RPS6KA6: variants seen among roughly 807,000 people sequenced by gnomAD.
RPS6KA6 encodes ribosomal protein S6 kinase alpha-6.
RPS6KA6 carries 27 observed loss-of-function variants against 65.4 expected under a neutral mutation model. That is an observed-to-expected ratio of 0.41 (90% CI 0.30 to 0.57). The LOEUF (loss-of-function observed/expected upper bound fraction) is 0.57. Among genes scored for constraint, RPS6KA6 ranks in the 20% least tolerant of loss-of-function variants. The pLI, the probability that RPS6KA6 is intolerant of heterozygous loss-of-function variation, is 0.24. For synonymous variants in RPS6KA6, 190 were observed against 184.2 expected, an observed-to-expected ratio of 1.03 and a Z score of -0.26; for missense variants, 486 against 555.6, an observed-to-expected ratio of 0.87 and a Z score of 1.26.
chrX:84,074,373 G>T (rs2033613425), intron 20 of RPS6KA6, among the ~76,000 whole-genome samples: 1 of 111,609 alleles, frequency 9.0e-6, no homozygotes, highest in Non-Finnish European at 1.9e-5. Flanking sequence ...TAGGGTTGAG[G>T]GAGGGATGGG....
intron 20 of RPS6KA6, among the ~76,000 whole-genome samples, chrX:84,093,876 G>A (rs1221951437): frequency 9.0e-6 from 1 of 111,305 alleles, no homozygotes; most frequent in Non-Finnish European, 1.9e-5. Flanking sequence ...TTGGACCACT[G>A]GCCACAGGAG....
intron 1 of RPS6KA6, among the ~76,000 whole-genome samples, chrX:84,186,468 G>A (rs1206218967): frequency 9.0e-6 from 1 of 111,485 alleles, no homozygotes; most frequent in Non-Finnish European, 1.9e-5. Context: ...TTGTTCTTAC[G>A]AGATGTAAAA....
chrX:84,175,284 T>C (rs1459490662), intron 1 of RPS6KA6, among the ~76,000 whole-genome samples: 2 of 111,472 alleles, frequency 1.8e-5, no homozygotes, highest in Non-Finnish European at 3.8e-5. Context: ...GCTCAAGTTT[T>C]GTATATAAAA....
At chrX:84,087,911 A>G (rs1393679908) in intron 20 of RPS6KA6, among the ~76,000 whole-genome samples, 1 of 111,875 alleles carries the variant, frequency 8.9e-6, no homozygotes, top group East Asian at 2.8e-4. Context: ...ATAGTCTTCA[A>G]GCTCTGAGAT....
intron 12 of RPS6KA6, among the ~76,000 whole-genome samples, chrX:84,109,349 A>G (rs2034425314): frequency 9.0e-6 from 1 of 110,702 alleles, no homozygotes; most frequent in Admixed American, 9.5e-5. Flanking sequence ...CCACATAAGC[A>G]TTCTGCAGGC....
chrX:84,098,518 G>A (rs1473557055), intron 18 of RPS6KA6, among the ~76,000 whole-genome samples: 7 of 111,026 alleles, frequency 6.3e-5, no homozygotes, highest in African/African-American at 2.0e-4. Context: ...ATTTAGCTAC[G>A]AAGTTAATAG....
chrX:84,064,480 T>C (rs2033357889), intron 21 of RPS6KA6, 78 bp from the exon 22 acceptor site: 1 of 929,084 alleles, frequency 1.1e-6, no homozygotes, highest in East Asian at 3.3e-5. Context: ...CATGATATCA[T>C]GAGACATATA....
chrX:84,117,244 G>T (rs934063525), intron 10 of RPS6KA6, 96 bp from the exon 11 acceptor site: 5 of 684,183 alleles, frequency 7.3e-6, no homozygotes, highest in African/African-American at 6.6e-5. Flanking sequence ...TTTTACAAGG[G>T]TACAGTCCTG....
At chrX:84,154,351 A>G (rs1230262814) in intron 3 of RPS6KA6, among the ~76,000 whole-genome samples, 1 of 111,304 alleles carries the variant, frequency 9.0e-6, no homozygotes, top group East Asian at 2.8e-4. Flanking sequence ...CCTTTCTGGA[A>G]CAAAGCTGAA....
At chrX:84,151,521 C>T (rs192328931) in intron 3 of RPS6KA6, among the ~76,000 whole-genome samples, 4 of 110,163 alleles carry the variant, frequency 3.6e-5, no homozygotes, top group South Asian at 7.6e-4. Flanking sequence ...AAAACACCTA[C>T]GAAATAAGCA....
At chrX:84,084,938 T>C (rs1235582406) in intron 20 of RPS6KA6, among the ~76,000 whole-genome samples, 2 of 111,330 alleles carry the variant, frequency 1.8e-5, no homozygotes, top group African/African-American at 3.3e-5. Flanking sequence ...GTTAGCTGTA[T>C]TCGTAGGTGT....
At chrX:84,111,010 A>T (rs980195391) in intron 12 of RPS6KA6, among the ~76,000 whole-genome samples, 1 of 106,791 alleles carries the variant, frequency 9.4e-6, no homozygotes, top group African/African-American at 3.4e-5. Context: ...ATATATATAT[A>T]TTTAAATTCT....
chrX:84,107,176 C>G (rs766834831), intron 13 of RPS6KA6, 136 bp from the exon 14 acceptor site: 28 of 489,274 alleles, frequency 5.7e-5, no homozygotes, highest in Non-Finnish European at 8.7e-5. Flanking sequence ...TATATATTAT[C>G]TGTCTCCTCC....
chrX:84,123,866 T>A (rs2034725544), intron 8 of RPS6KA6, among the ~76,000 whole-genome samples: 1 of 110,926 alleles, frequency 9.0e-6, no homozygotes, highest in Non-Finnish European at 1.9e-5. Context: ...AGGTAGTAGT[T>A]ATAGTGAGCC....
rs531808766 is a variant in RPS6KA6, at chrX:84,095,088, T to C, written c.1971+1106A>G. Among the ~76,000 whole-genome samples, 86 of 111,885 alleles carry C rather than the reference T, an allele frequency of 7.7e-4. No individual in the cohort carries two copies. The South Asian group carries it at 0.032, about 42-fold the overall frequency. On this transcript the variant is annotated intron_variant, in intron 20 of 21. Transcript: ENST00000262752. The stretch of plus-strand genomic sequence containing the variant: ...GTTCCTTCTACTATAGCACACAGCA[T>C]ACTCATACTAAGGTTAAGATCCAAG...
At chrX:84,164,478 A>C in intron 1 of RPS6KA6, 91 bp from the exon 2 acceptor site, 1 of 600,297 alleles carries the variant, frequency 1.7e-6, no homozygotes, top group Non-Finnish European at 2.7e-6. Flanking sequence ...TTCCTTCCAC[A>C]ATCTAACAAG....
intron 6 of RPS6KA6, among the ~76,000 whole-genome samples, chrX:84,136,993 T>C (rs943294073): frequency 7.1e-5 from 8 of 112,149 alleles, no homozygotes; most frequent in African/African-American, 2.6e-4. Context: ...TGTTTGCTTT[T>C]CTAAAAACAA....
Position 84,062,841 on chromosome X carries a change from C to T in RPS6KA6, c.*1436G>A, listed in dbSNP as rs1009311466. ...TACATAGCAAATAGTACACCTAACACGCACAAGTAGTTCACTTATATTCAC... is the reference window on the plus strand; with the variant it reads ...TACATAGCAAATAGTACACCTAACATGCACAAGTAGTTCACTTATATTCAC... On this transcript the variant is annotated 3_prime_UTR_variant, in exon 22 of 22. Transcript: ENST00000262752. The T allele has an allele frequency of 2.2e-4, 24 of 110,898 alleles. No individual in the cohort carries two copies. The highest frequency in any genetic ancestry group is 4.2e-4 in the African/African-American group (13 of 30,620). The allele number at this position is 110,898 out of a possible 1,213,427, so 9.1% of individuals were successfully genotyped here.
In RPS6KA6 at chrX:84,164,041, T is replaced by A. The variant is rs149262115; in HGVS notation, c.141+287A>T. On this transcript the variant is annotated intron_variant, in intron 2 of 21. Coordinates refer to ENST00000262752, the MANE Select transcript of RPS6KA6 (RefSeq NM_014496.5). Reference sequence around the variant, plus strand: ...TTAAGTATAATAATTCAGTTACTCATACACTGGCAACTGAAAATTTTATCC... The same window carrying A: ...TTAAGTATAATAATTCAGTTACTCAAACACTGGCAACTGAAAATTTTATCC... 8.6e-3 allele frequency among the ~76,000 whole-genome samples: 971 copies of A among 112,398 alleles called. 15 individuals are homozygous for A. The highest frequency in any genetic ancestry group is 0.03 in the African/African-American group (936 of 30,972).
Sources: allele counts gnomAD v4.1 joint callset (sites outside exome capture counted in the v4.1 genomes callset), GRCh38; gene constraint gnomAD v4.1.1; transcripts MANE v1.5; gene names NCBI Gene and HGNC (gene_info 2026-07-23, HGNC 2026-07-21).